CTNNA2: variants seen among roughly 807,000 people sequenced by gnomAD.
The protein encoded by CTNNA2 is catenin alpha-2.
In CTNNA2, 42 loss-of-function variants were observed where a neutral mutation model predicts 101.0. The ratio of observed to expected loss-of-function variants is 0.42; its 90% CI spans 0.32 to 0.54. CTNNA2 has a LOEUF of 0.54. CTNNA2 is among the 20% of genes least tolerant of loss of function. The probability of loss-of-function intolerance (pLI) is 0.14; values close to 1 mark genes in which losing one functional copy is unlikely to be tolerated. For missense variants in CTNNA2, 871 were observed against 1,223.1 expected (o/e 0.71, Z 4.29); for synonymous variants, 450 against 456.4 (o/e 0.99, Z 0.18).
At chr2:79,290,434 C>T (rs1248274124) in intron 2 of CTNNA2, among the ~76,000 whole-genome samples, 2 of 152,126 alleles carry the variant, frequency 1.3e-5, no homozygotes, top group East Asian at 3.9e-4. Flanking sequence ...GCCCACGGAC[C>T]TAGGTGAGGA....
intron 3 of CTNNA2, among the ~76,000 whole-genome samples, chr2:79,786,200 G>A (rs895959372): frequency 6.6e-6 from 1 of 151,994 alleles, no homozygotes; most frequent in Non-Finnish European, 1.5e-5. Flanking sequence ...TGATATTTAA[G>A]TAGAAAAGCA....
chr2:79,460,866 G>T (rs1670870516), intron 4 of CTNNA2, among the ~76,000 whole-genome samples: 1 of 151,764 alleles, frequency 6.6e-6, no homozygotes, highest in Non-Finnish European at 1.5e-5. Flanking sequence ...TTTCGAGACA[G>T]GGTCTTGCTA....
chr2:79,275,900 A>T lies in CTNNA2; in HGVS notation c.-405-36809A>T, dbSNP rs12623167. ...AAAAGATAAGAAGGAAAATGCATAG[A>T]ATGTTAGATGTTAAACAGTGTTACA... On this transcript the variant is annotated intron_variant, in intron 2 of 21. Coordinates refer to the CTNNA2 transcript ENST00000466387. 2.9e-3 allele frequency among the ~76,000 whole-genome samples: 447 copies of T among 152,164 alleles called. 12 individuals are homozygous for T. The East Asian group carries it at 0.061, about 21-fold the overall frequency.
At chr2:80,642,716 C>T (rs1673627200) in intron 18 of CTNNA2, among the ~76,000 whole-genome samples, 1 of 152,144 alleles carries the variant, frequency 6.6e-6, no homozygotes, top group Non-Finnish European at 1.5e-5. Context: ...CATAGGCTTT[C>T]AGAAATATTC....
intron 9 of CTNNA2, among the ~76,000 whole-genome samples, chr2:80,494,074 A>G (rs1337801574): frequency 1.3e-5 from 2 of 152,136 alleles, no homozygotes; most frequent in African/African-American, 2.4e-5. Context: ...GACCTATTCT[A>G]TTTTGCCCTG....
At chr2:79,353,533 G>A (rs533113145) in intron 3 of CTNNA2, among the ~76,000 whole-genome samples, 10 of 152,168 alleles carry the variant, frequency 6.6e-5, no homozygotes, top group African/African-American at 9.6e-5. Context: ...ATCTTTCTCT[G>A]TTCCTTTACT....
intron 7 of CTNNA2, among the ~76,000 whole-genome samples, chr2:80,340,187 C>T (rs1050072996): frequency 1.3e-5 from 2 of 152,194 alleles, no homozygotes; most frequent in Non-Finnish European, 2.9e-5. Context: ...TGGATAATAA[C>T]TATAATCTAT....
chr2:79,593,880 G>GTTTT lies in CTNNA2; in HGVS notation c.-5-57650_-5-57647dup, dbSNP rs945227300. 1.6e-3 allele frequency among the ~76,000 whole-genome samples: 134 copies of GTTTT among 85,436 alleles called. 2 individuals carry two copies. Among genetic ancestry groups the GTTTT allele is most frequent in the East Asian group, 0.011 (29 of 2,642 alleles). The allele number at this position is 85,436 out of a possible 152,430, so 56.0% of individuals were successfully genotyped here. A position where few individuals can be genotyped will look rare whatever the true frequency, so the allele number is the denominator to read the frequency against. On this transcript the variant is annotated intron_variant, in intron 1 of 18. Coordinates refer to ENST00000402739, the MANE Select transcript of CTNNA2 (RefSeq NM_001282597.3). ...GAGCCCCAGTGCTGCCTTTCTTTTA[G>GTTTT]TTTTTTTTTTTTTTTTTTTTTTTTT...
intron 7 of CTNNA2, among the ~76,000 whole-genome samples, chr2:79,997,422 A>G (rs142444573): frequency 4.9e-4 from 74 of 152,264 alleles, no homozygotes; most frequent in African/African-American, 1.8e-3. Flanking sequence ...AAGAGGAAAA[A>G]GGAGAAAAGA....
chr2:80,016,244 G>A (rs1694133783), intron 7 of CTNNA2, among the ~76,000 whole-genome samples: 1 of 152,166 alleles, frequency 6.6e-6, no homozygotes, highest in Admixed American at 6.5e-5. Flanking sequence ...GCTACACGCT[G>A]GGCTTGGCCC....
chr2:80,075,328 C>T (rs1433187751), intron 7 of CTNNA2, among the ~76,000 whole-genome samples: 1 of 151,928 alleles, frequency 6.6e-6, no homozygotes, highest in Non-Finnish European at 1.5e-5. Flanking sequence ...GAGGAGTTAG[C>T]TGTACCTGAA....
At chr2:79,916,614 A>C (rs1574305049) in intron 7 of CTNNA2, among the ~76,000 whole-genome samples, 1 of 117,426 alleles carries the variant, frequency 8.5e-6, no homozygotes, top group African/African-American at 3.3e-5. Flanking sequence ...TCGCTGTATC[A>C]CCCATGCTGG....
intron 7 of CTNNA2, among the ~76,000 whole-genome samples, chr2:80,283,443 T>C (rs765315688): frequency 3.3e-5 from 5 of 152,166 alleles, no homozygotes; most frequent in Non-Finnish European, 7.4e-5. Flanking sequence ...CAATTTAAAA[T>C]ATAAATTTAA....
intron 2 of CTNNA2, among the ~76,000 whole-genome samples, chr2:79,282,852 G>C (rs1675434305): frequency 9.9e-6 from 1 of 101,098 alleles, no homozygotes; most frequent in African/African-American, 2.8e-5. Context: ...CACAATGGTT[G>C]AACTAGTTTA....
chr2:79,866,220 G>C (rs1364395900), intron 4 of CTNNA2, among the ~76,000 whole-genome samples: 2 of 152,200 alleles, frequency 1.3e-5, no homozygotes, highest in Non-Finnish European at 2.9e-5. Flanking sequence ...GACAAGTTCT[G>C]AAAAGAATTT....
intron 3 of CTNNA2, among the ~76,000 whole-genome samples, chr2:79,785,355 C>T (rs1380191165): frequency 6.6e-6 from 1 of 152,156 alleles, no homozygotes; most frequent in Non-Finnish European, 1.5e-5. Context: ...TCATTGATGC[C>T]AACCATCTTT....
intron 18 of CTNNA2, among the ~76,000 whole-genome samples, chr2:80,640,139 TATTTGATAGCTA>T (rs1042484934): frequency 8.6e-5 from 13 of 152,024 alleles, no homozygotes; most frequent in African/African-American, 3.1e-4. Flanking sequence ...TATCAGACAA[TATTTGATAGCTA>T]ACAAACAATA....
chr2:80,279,961 G>A (rs1573584058), intron 7 of CTNNA2, among the ~76,000 whole-genome samples: 1 of 151,876 alleles, frequency 6.6e-6, no homozygotes, highest in Non-Finnish European at 1.5e-5. Context: ...CTCACCCTCC[G>A]TGAGTCTCAG....
Position 80,258,080 on chromosome 2 carries a change from C to G in CTNNA2, c.1057-135131C>G, listed in dbSNP as rs1672312485. 2.0e-5 allele frequency among the ~76,000 whole-genome samples: 3 copies of G among 152,270 alleles called. No homozygotes were observed. The South Asian group carries it at 6.2e-4, about 32-fold the overall frequency. ...TCCTGAAGTGTGTGGTTTTAACAAT[C>G]TAACATTTCACAATATGTTTCTAAC... On this transcript the variant is annotated intron_variant, in intron 7 of 18. Transcript: ENST00000402739.
Sources: gnomAD v4.1 joint callset for allele counts (sites outside exome capture counted in the v4.1 genomes callset) on GRCh38, gnomAD v4.1.1 for gene constraint, MANE v1.5 for transcripts, NCBI Gene and HGNC (gene_info 2026-07-23, HGNC 2026-07-21) for gene names.